The following GMFB variants were observed in gnomAD, a reference collection of about 807,000 sequenced individuals.
The protein encoded by GMFB is GMF-beta.
GMFB carries 13 observed loss-of-function variants against 25.6 expected under a neutral mutation model. The observed-to-expected ratio is 0.51, with a 90% confidence interval of 0.33 to 0.81. The LOEUF is 0.81. Among genes scored for constraint, GMFB ranks in the 30% least tolerant of loss-of-function variants. The pLI is 0.02. For synonymous variants in GMFB, 57 were observed against 56.9 expected (o/e 1.00, Z 0.00); for missense variants, 146 against 175.4 (o/e 0.83, Z 0.95).
chr14:54,481,563 A>T lies in GMFB; in HGVS notation c.151-105T>A, dbSNP rs2031711841. 5.8e-6 allele frequency: 4 copies of T among 693,784 alleles called. No homozygotes were observed. In the Admixed American group the frequency reaches 7.2e-5, roughly 13 times the overall value. 43.0% of individuals were successfully genotyped at this position (693,784 alleles called of 1,614,324 possible). ...CTAACAGTTATAAATTTATTACCAC[A>T]TGCTACAAAATAAAATTTTATCTTA... On this transcript the variant is annotated intron_variant, in intron 3 of 6. Coordinates refer to ENST00000358056, the MANE Select transcript of GMFB (RefSeq NM_004124.3).
Position 54,478,093 on chromosome 14 carries a change from GA to G in GMFB, c.423del (p.His142ThrfsTer14). 1.4e-6 allele frequency: 2 copies of G among 1,394,836 alleles called. No individual in the cohort carries two copies. Among genetic ancestry groups the G allele is most frequent in the Non-Finnish European group, 2.0e-6 (2 of 1,019,944 alleles). The allele number at this position is 1,394,836 out of a possible 1,614,324, so 86.4% of individuals were successfully genotyped here. ...TAGAAACACAGAAGTTCACATTAGTGAAAAAATCCAAGTTTCTCACGTAACC... is the reference window on the plus strand; with the variant it reads ...TAGAAACACAGAAGTTCACATTAGTGAAAAATCCAAGTTTCTCACGTAACC... ...EEWLREKLGF[F>X]H On this transcript the variant is annotated frameshift_variant, in exon 7 of 7. Coordinates refer to ENST00000358056, the MANE Select transcript of GMFB (RefSeq NM_004124.3). LOFTEE classifies it high-confidence loss of function.
At position 54,478,045 on chromosome 14, in the gene GMFB, G is replaced by C. The variant is rs1327217317; in HGVS notation, c.*43C>G. The C allele has an allele frequency of 2.0e-5, 16 of 800,508 alleles. No individual in the cohort carries two copies. In the East Asian group the frequency reaches 4.4e-4, roughly 22 times the overall value. The allele number at this position is 800,508 out of a possible 1,614,324, so 49.6% of individuals were successfully genotyped here. On this transcript the variant is annotated 3_prime_UTR_variant, in exon 7 of 7. Coordinates refer to ENST00000358056, the MANE Select transcript of GMFB (RefSeq NM_004124.3). ...AGTATTTATGTCTGATTCCAGTATGGTCAGGTTAATACATAAATACTTTAG... is the reference window on the plus strand; with the variant it reads ...AGTATTTATGTCTGATTCCAGTATGCTCAGGTTAATACATAAATACTTTAG...
At chr14:54,486,421 A>G (rs1056630954) in intron 1 of GMFB, among the ~76,000 whole-genome samples, 4 of 152,220 alleles carry the variant, frequency 2.6e-5, no homozygotes, top group Non-Finnish European at 1.5e-5. Context: ...TTTTTTGAGT[A>G]AGACCTCAAA....
In GMFB at chr14:54,478,060, A is replaced by G. The variant is rs759856873; in HGVS notation, c.*28T>C. On this transcript the variant is annotated 3_prime_UTR_variant, in exon 7 of 7. Coordinates refer to ENST00000358056, the MANE Select transcript of GMFB (RefSeq NM_004124.3). ...TTCCAGTATGGTCAGGTTAATACAT[A>G]AATACTTTAGAAACACAGAAGTTCA... The G allele has an allele frequency of 6.0e-5, 64 of 1,071,350 alleles. No individual in the cohort carries two copies. The highest frequency in any genetic ancestry group is 8.3e-5 in the Non-Finnish European group (61 of 732,764). 66.4% of individuals were successfully genotyped at this position (1,071,350 alleles called of 1,614,324 possible).
Position 54,477,657 on chromosome 14 carries a change from C to T in GMFB, c.*431G>A, listed in dbSNP as rs2031658106. ...TACTGGGTCACTCAAGTCTTTGACCCCAAATGAATTTCAATGATTTGACAA... is the reference window on the plus strand; with the variant it reads ...TACTGGGTCACTCAAGTCTTTGACCTCAAATGAATTTCAATGATTTGACAA... On this transcript the variant is annotated 3_prime_UTR_variant, in exon 7 of 7. Transcript: ENST00000358056. 6.5e-6 allele frequency: 1 copy of T among 153,320 alleles called. No homozygotes were observed. The highest frequency in any genetic ancestry group is 1.5e-5 in the Non-Finnish European group (1 of 68,912). 9.5% of individuals were successfully genotyped at this position (153,320 alleles called of 1,614,324 possible). A position where few individuals can be genotyped will look rare whatever the true frequency, so the allele number is the denominator to read the frequency against.
intron 2 of GMFB, chr14:54,483,446 C>T: frequency 9.7e-6 from 5 of 513,368 alleles, no homozygotes; most frequent in South Asian, 2.4e-5. Context: ...CAGAGCTGTA[C>T]AGGCAGCTGA....
chr14:54,487,549 A>G (rs1200564479), intron 1 of GMFB, among the ~76,000 whole-genome samples: 1 of 151,434 alleles, frequency 6.6e-6, no homozygotes, highest in Non-Finnish European at 1.5e-5. Context: ...AAAACAAACA[A>G]ACAAAAAAAC....
chr14:54,481,347 G>T, intron 4 of GMFB, 62 bp downstream of exon 4: 2 of 1,051,288 alleles, frequency 1.9e-6, no homozygotes, highest in Non-Finnish European at 1.5e-6. Context: ...TAACAAATGA[G>T]CTCACAAACA....
chr14:54,479,329 T>C (rs1230777259), intron 6 of GMFB: 1 of 152,324 alleles, frequency 6.6e-6, no homozygotes, highest in Non-Finnish European at 1.5e-5. Flanking sequence ...AGTTCTCATA[T>C]AAAACAGAAT....
chr14:54,480,431 C>A (rs1444127227), intron 5 of GMFB: 6 of 157,656 alleles, frequency 3.8e-5, no homozygotes, highest in Non-Finnish European at 8.3e-5. Flanking sequence ...ATACCAGTAA[C>A]CCATTTTAAT....
At chr14:54,482,012 T>C (rs2031717168) in intron 3 of GMFB, 141 bp downstream of exon 3, 1 of 616,752 alleles carries the variant, frequency 1.6e-6, no homozygotes. Flanking sequence ...ACTACACAAT[T>C]AGCACATGCT....
At position 54,482,291 on chromosome 14, in the gene GMFB, C is replaced by T. The variant is rs182323572; in HGVS notation, c.101-89G>A. On this transcript the variant is annotated intron_variant, in intron 2 of 6. Transcript: ENST00000358056. ...CACAATCTCAGCCTTTTTTTTCGGA[C>T]ATCTAAAATTAAAACATCAAGAAAC... 2.6e-5 allele frequency: 20 copies of T among 776,470 alleles called. No individual in the cohort carries two copies. The Admixed American group carries it at 4.0e-4, about 16-fold the overall frequency. 48.1% of individuals were successfully genotyped at this position (776,470 alleles called of 1,614,324 possible).
At chr14:54,486,953 A>G (rs2031791151) in intron 1 of GMFB, among the ~76,000 whole-genome samples, 1 of 152,204 alleles carries the variant, frequency 6.6e-6, no homozygotes, top group Admixed American at 6.5e-5. Context: ...TCTGGCTGGT[A>G]TAACAGATTG....
rs2031652866 is a variant in GMFB, at chr14:54,477,296, A to C, written c.*792T>G. ...ACTTTAAAGCTAACAAATCAAAGGC[A>C]CAGTATTAACACATTTAAAATAATT... On this transcript the variant is annotated 3_prime_UTR_variant, in exon 7 of 7. Coordinates refer to ENST00000358056, the MANE Select transcript of GMFB (RefSeq NM_004124.3). 1 of 152,506 alleles carries C rather than the reference A, an allele frequency of 6.6e-6. No individual in the cohort carries two copies. 9.4% of individuals were successfully genotyped at this position (152,506 alleles called of 1,614,324 possible).
At chr14:54,483,513 A>G (rs1423310028) in intron 2 of GMFB, 158 bp downstream of exon 2, 1 of 602,758 alleles carries the variant, frequency 1.7e-6, no homozygotes, top group East Asian at 2.8e-5. Context: ...CATTAGAATT[A>G]GCTGTTACTT....
intron 2 of GMFB, among the ~76,000 whole-genome samples, chr14:54,482,438 C>A (rs987800412): frequency 6.6e-6 from 1 of 152,190 alleles, no homozygotes; most frequent in African/African-American, 2.4e-5. Context: ...TTATTTAGAA[C>A]TTGCTGTTAA....
chr14:54,481,328 T>G (rs1057026761), intron 4 of GMFB, 81 bp downstream of exon 4: 3 of 899,218 alleles, frequency 3.3e-6, no homozygotes. Flanking sequence ...AAGGATACTT[T>G]TAGATGTTTA....
Position 54,483,744 on chromosome 14 carries a change from A to G in GMFB, c.27T>C (p.Asp9=). Residue 9 remains aspartate (D), a synonymous_variant, in exon 2 of 7, where the codon GAT becomes GAC. Coordinates refer to ENST00000358056, the MANE Select transcript of GMFB (RefSeq NM_004124.3). ...GCTTTTCCACTAAATCTTCGGCAAC[A>G]TCACAAACAACCAAAGACTCACTCT... MSESLVVC[D]VAEDLVEKLR... is the part of the protein sequence containing the mutation. The G allele has an allele frequency of 6.2e-7, 1 of 1,608,030 alleles. No homozygotes were observed. Among genetic ancestry groups the G allele is most frequent in the Non-Finnish European group, 8.5e-7 (1 of 1,174,736 alleles).
chr14:54,487,097 T>TTAA (rs1225467712), intron 1 of GMFB, among the ~76,000 whole-genome samples: 1 of 152,138 alleles, frequency 6.6e-6, no homozygotes, highest in Non-Finnish European at 1.5e-5. Context: ...TATTGAAATA[T>TTAA]TAATATATAG....
Sources: allele counts gnomAD v4.1 joint callset (sites outside exome capture counted in the v4.1 genomes callset), GRCh38; gene constraint gnomAD v4.1.1; transcripts MANE v1.5; gene names NCBI Gene and HGNC (gene_info 2026-07-23, HGNC 2026-07-21).